Variants in CNNM3 observed in about 807,000 individuals in gnomAD.
CNNM3 encodes the protein cyclin and CBS domain divalent metal cation transport mediator 3, also known as metal transporter CNNM3.
A neutral mutation model predicts 57.1 loss-of-function variants in CNNM3; 47 were observed. That is an observed-to-expected ratio of 0.82 (90% CI 0.65 to 1.05). The LOEUF is 1.05. Ranked by LOEUF, CNNM3 falls within the 50% of genes least tolerant of loss-of-function variation. The probability of loss-of-function intolerance (pLI) is 0.00; values close to 1 mark genes in which losing one functional copy is unlikely to be tolerated. For synonymous variants in CNNM3, 507 were observed against 478.2 expected (o/e 1.06, Z -0.79); for missense variants, 957 against 973.7 (o/e 0.98, Z 0.23).
At chr2:96,830,131 T>TA (rs2079576506) in intron 7 of CNNM3, among the ~76,000 whole-genome samples, 1 of 152,226 alleles carries the variant, frequency 6.6e-6, no homozygotes, top group Non-Finnish European at 1.5e-5. Flanking sequence ...TTCAAGAAGA[T>TA]ACTTTAATTC....
At position 96,833,329 on chromosome 2, in the gene CNNM3, C is replaced by G. The variant is rs926140840; in HGVS notation, c.*713C>G. 3.4e-6 allele frequency: 1 copy of G among 297,566 alleles called. No homozygotes were observed. The allele number at this position is 297,566 out of a possible 1,614,324, so 18.4% of individuals were successfully genotyped here. A position where few individuals can be genotyped will look rare whatever the true frequency, so the allele number is the denominator to read the frequency against. On this transcript the variant is annotated 3_prime_UTR_variant, in exon 8 of 8. Transcript: ENST00000305510. ...TGCCCACCTGCTGAGTTGCCACTCGCAGTGTTGTCAGTTCCCGTGTTCTGA... is the reference window on the plus strand; with the variant it reads ...TGCCCACCTGCTGAGTTGCCACTCGGAGTGTTGTCAGTTCCCGTGTTCTGA...
At chr2:96,830,640 T>C (rs2079586363) in intron 7 of CNNM3, among the ~76,000 whole-genome samples, 1 of 152,138 alleles carries the variant, frequency 6.6e-6, no homozygotes, top group South Asian at 2.1e-4. Flanking sequence ...GCTGCTTAAG[T>C]CTTGGATCTG....
In CNNM3 at chr2:96,832,063, C is replaced by T. The variant is rs985820395; in HGVS notation, c.2060-489C>T. 28 of 990,498 alleles carry T rather than the reference C, an allele frequency of 2.8e-5. No homozygotes were observed. The Admixed American group carries it at 8.4e-4, about 30-fold the overall frequency. 61.4% of individuals were successfully genotyped at this position (990,498 alleles called of 1,614,324 possible). On this transcript the variant is annotated intron_variant, in intron 7 of 7. Transcript: ENST00000305510. ...GCGCGTTTTTTGTTTTCAGAGCACA[C>T]GTAAGGTAAATATCTTCCCTCTCCC...
chr2:96,816,305 C>G lies in CNNM3; in HGVS notation c.28C>G (p.Arg10Gly), dbSNP rs373318478. Residue 10 changes from arginine to glycine, a missense_variant, in exon 1 of 8, where the codon CGG (arginine) becomes GGG (glycine). Transcript: ENST00000305510. MAAAVAAAG[R>G]LGWLFAALCL... is the part of the protein sequence containing the mutation. ...GGCGGCGGCGGTAGCTGCGGCGGGT[C>G]GGTTAGGCTGGTTGTTCGCCGCGCT... 4.7e-4 allele frequency: 603 copies of G among 1,287,580 alleles called. 1 individual carries two copies. The highest frequency in any genetic ancestry group is 5.7e-4 in the Non-Finnish European group (577 of 1,019,240). 79.8% of individuals were successfully genotyped at this position (1,287,580 alleles called of 1,614,324 possible). A position where few individuals can be genotyped will look rare whatever the true frequency, so the allele number is the denominator to read the frequency against.
Position 96,833,372 on chromosome 2 carries a change from G to C in CNNM3, c.*756G>C, listed in dbSNP as rs988722061. The C allele has an allele frequency of 8.1e-6, 2 of 247,250 alleles. No homozygotes were observed. The highest frequency in any genetic ancestry group is 4.6e-5 in the African/African-American group (2 of 43,780). The allele number at this position is 247,250 out of a possible 1,614,324, so 15.3% of individuals were successfully genotyped here. A position where few individuals can be genotyped will look rare whatever the true frequency, so the allele number is the denominator to read the frequency against. On this transcript the variant is annotated 3_prime_UTR_variant, in exon 8 of 8. Coordinates refer to ENST00000305510, the MANE Select transcript of CNNM3 (RefSeq NM_017623.5). The stretch of plus-strand genomic sequence containing the variant: ...TGTTCTGAGAAGAGGTCATGCCTGG[G>C]AGGAAGGGATCGTCATGCTGCATCG...
At chr2:96,826,263 AG>A (rs2079502715) in intron 2 of CNNM3, among the ~76,000 whole-genome samples, 1 of 151,768 alleles carries the variant, frequency 6.6e-6, no homozygotes, top group Non-Finnish European at 1.5e-5. Flanking sequence ...TCCAGGCTGG[AG>A]TACAGTGGCG....
downstream of CNNM3, chr2:96,836,908 G>GACTT (rs1478092994): frequency 1.4e-5 from 2 of 138,820 alleles, no homozygotes; most frequent in Non-Finnish European, 2.9e-5. Flanking sequence ...TAATGTGTAA[G>GACTT]ACTTAGGCTA....
chr2:96,816,897 C>T lies in CNNM3; in HGVS notation c.620C>T (p.Ala207Val), dbSNP rs2079328702. Residue 207 changes from alanine to valine, a missense_variant, in exon 1 of 8, where the codon GCG (alanine) becomes GTG (valine). This residue lies in a region of CNNM3 where 466 missense variants were observed against 403.1 expected (regional missense o/e 1.16). Coordinates refer to ENST00000305510, the MANE Select transcript of CNNM3 (RefSeq NM_017623.5). ...ALLLLASLAQ[A>V]ALAVLLYRAA... ...CTGCTGCTGGCCAGCCTGGCGCAGGCGGCGCTGGCGGTGCTGCTGTACCGC... is the reference window on the plus strand; with the variant it reads ...CTGCTGCTGGCCAGCCTGGCGCAGGTGGCGCTGGCGGTGCTGCTGTACCGC... 5 of 1,123,170 alleles carry T rather than the reference C, an allele frequency of 4.5e-6. No individual in the cohort carries two copies. The South Asian group carries it at 2.1e-4, about 46-fold the overall frequency. The allele number at this position is 1,123,170 out of a possible 1,614,324, so 69.6% of individuals were successfully genotyped here.
At chr2:96,831,937 TCTC>T in intron 7 of CNNM3, 2 of 971,666 alleles carry the variant, frequency 2.1e-6, no homozygotes, top group Non-Finnish European at 2.4e-6. Flanking sequence ...CTCAATAGCT[TCTC>T]CTCTTCTTTC....
In CNNM3 at chr2:96,824,989, A is replaced by G. The variant is rs566727494; in HGVS notation, c.1226-69A>G. 1.8e-5 allele frequency: 28 copies of G among 1,585,390 alleles called. No individual in the cohort carries two copies. In the African/African-American group the frequency reaches 2.3e-4, roughly 13 times the overall value. On this transcript the variant is annotated intron_variant, in intron 1 of 7. Coordinates refer to ENST00000305510, the MANE Select transcript of CNNM3 (RefSeq NM_017623.5). ...TTAGCCGTGTCCTTTTGGTGGGCCT[A>G]TACCAGGGGAGATGAATCAAACTGG... is the stretch of plus-strand genomic sequence containing the variant.
chr2:96,825,693 G>C (rs2079490022), intron 2 of CNNM3, among the ~76,000 whole-genome samples: 1 of 139,982 alleles, frequency 7.1e-6, no homozygotes, highest in Admixed American at 6.8e-5. Context: ...ACGAGATCGG[G>C]AGTTCGAGAC....
At chr2:96,832,063 CGTAAG>C in intron 7 of CNNM3, 1 of 990,616 alleles carries the variant, frequency 1.0e-6, no homozygotes, top group Non-Finnish European at 1.2e-6. Context: ...TCAGAGCACA[CGTAAG>C]GTAAATATCT....
chr2:96,832,356 C>G (rs1030477287), intron 7 of CNNM3, 196 bp from the exon 8 acceptor site: 1 of 985,298 alleles, frequency 1.0e-6, no homozygotes, highest in Admixed American at 6.1e-5. Flanking sequence ...CCCAGCTTCC[C>G]CGTCTCCCAG....
chr2:96,824,649 C>G (rs920510643), intron 1 of CNNM3: 27 of 198,040 alleles, frequency 1.4e-4, no homozygotes, highest in Non-Finnish European at 1.5e-4. Flanking sequence ...GCAGGAGAGC[C>G]TGTGTTTCCA....
chr2:96,819,026 C>T (rs1042472387), intron 1 of CNNM3, among the ~76,000 whole-genome samples: 1 of 152,188 alleles, frequency 6.6e-6, no homozygotes, highest in Non-Finnish European at 1.5e-5. Flanking sequence ...AATCTCGTCC[C>T]TCATTCCTTG....
intron 1 of CNNM3, among the ~76,000 whole-genome samples, chr2:96,818,669 G>A (rs977482668): frequency 2.0e-5 from 3 of 152,162 alleles, no homozygotes; most frequent in South Asian, 2.1e-4. Flanking sequence ...AGTACCCTCC[G>A]GATGTGAAGG....
At position 96,833,008 on chromosome 2, in the gene CNNM3, G is replaced by C. The variant is rs1255290815; in HGVS notation, c.*392G>C. On this transcript the variant is annotated 3_prime_UTR_variant, in exon 8 of 8. Coordinates refer to ENST00000305510, the MANE Select transcript of CNNM3 (RefSeq NM_017623.5). ...GCAGTTACTGCCTTTGTGTGGCCGT[G>C]ACCTCTATTTGTTTGCTTTTAATTT... 10 of 1,321,608 alleles carry C rather than the reference G, an allele frequency of 7.6e-6. No individual in the cohort carries two copies. The highest frequency in any genetic ancestry group is 9.9e-6 in the Non-Finnish European group (10 of 1,009,964). 81.9% of individuals were successfully genotyped at this position (1,321,608 alleles called of 1,614,324 possible).
At chr2:96,821,610 G>GACT (rs2079407269) in intron 1 of CNNM3, among the ~76,000 whole-genome samples, 2 of 152,076 alleles carry the variant, frequency 1.3e-5, no homozygotes, top group African/African-American at 4.8e-5. Context: ...TAAATAACTT[G>GACT]GACAGCTGCT....
intron 7 of CNNM3, 135 bp from the exon 8 acceptor site, chr2:96,832,417 C>T (rs1178850514): frequency 6.6e-7 from 1 of 1,525,696 alleles, no homozygotes; most frequent in Non-Finnish European, 8.8e-7. Context: ...CCTGTTTCTG[C>T]TCTGATACTT....
Sources: gnomAD v4.1 joint callset for allele counts (sites outside exome capture counted in the v4.1 genomes callset) on GRCh38, gnomAD v4.1.1 for gene constraint, gnomAD v4.1.1 regional missense constraint, MANE v1.5 for transcripts, NCBI Gene and HGNC (gene_info 2026-07-23, HGNC 2026-07-21) for gene names.